The following NEBL variants were observed in gnomAD, a reference collection of about 807,000 sequenced individuals.
NEBL encodes the protein LIM and SH3 protein 2.
Under a neutral mutation model 140.2 loss-of-function variants are expected in NEBL, and 122 were observed. That is an observed-to-expected ratio of 0.87 (90% CI 0.75 to 1.01). The LOEUF (loss-of-function observed/expected upper bound fraction) is 1.01. NEBL is among the 50% of genes least tolerant of loss of function. The probability of loss-of-function intolerance (pLI) is 0.00; values close to 1 mark genes in which losing one functional copy is unlikely to be tolerated. For missense variants in NEBL, 1,365 were observed against 1,231.3 expected, an observed-to-expected ratio of 1.11 and a Z score of -1.62; for synonymous variants, 436 against 398.9, an observed-to-expected ratio of 1.09 and a Z score of -1.11.
intron 3 of NEBL, among the ~76,000 whole-genome samples, chr10:21,210,829 C>A (rs1016495002): frequency 1.3e-5 from 2 of 152,166 alleles, no homozygotes; most frequent in African/African-American, 4.8e-5. Flanking sequence ...TCTTCCAACT[C>A]AATAATGCTT....
chr10:20,801,884 T>C lies in NEBL; in HGVS notation c.2761+6626A>G, dbSNP rs192937215. The stretch of plus-strand genomic sequence containing the variant: ...TAGGGTGGGTTAAACTGCTACAAAA[T>C]TCAGAAACTTACTTTCAGTCAGTTA... On this transcript the variant is annotated intron_variant, in intron 26 of 27. Transcript: ENST00000377122. Among the ~76,000 whole-genome samples the C allele has an allele frequency of 5.9e-5, 9 of 152,230 alleles. No individual in the cohort carries two copies. The East Asian group carries it at 1.7e-3, about 29-fold the overall frequency.
intron 1 of NEBL, among the ~76,000 whole-genome samples, chr10:21,264,947 A>G (rs1376163136): frequency 6.6e-6 from 1 of 151,476 alleles, no homozygotes; most frequent in Non-Finnish European, 1.5e-5. Flanking sequence ...TTTTATTTTT[A>G]TTTTTATTTT....
At chr10:21,292,316 A>G (rs1843155491) in intron 1 of NEBL, among the ~76,000 whole-genome samples, 1 of 152,236 alleles carries the variant, frequency 6.6e-6, no homozygotes, top group Non-Finnish European at 1.5e-5. Context: ...CAAGTTGGCC[A>G]TTAAAGGGTA....
At chr10:21,132,925 G>A (rs1307939470) in intron 2 of NEBL, among the ~76,000 whole-genome samples, 2 of 152,082 alleles carry the variant, frequency 1.3e-5, no homozygotes, top group East Asian at 1.9e-4. Context: ...TACATTCTAC[G>A]GGTAGTCTTT....
At chr10:21,211,668 C>T (rs527647647) in intron 3 of NEBL, among the ~76,000 whole-genome samples, 15 of 152,116 alleles carry the variant, frequency 9.9e-5, no homozygotes, top group Non-Finnish European at 2.2e-4. Context: ...AACCCAGTTA[C>T]GTCAACTTCA....
At chr10:21,166,044 C>A (rs887803921) in intron 2 of NEBL, among the ~76,000 whole-genome samples, 1 of 148,556 alleles carries the variant, frequency 6.7e-6, no homozygotes, top group East Asian at 2.0e-4. Context: ...CATGGTGAAA[C>A]CCCGTCTCTA....
intron 2 of NEBL, among the ~76,000 whole-genome samples, chr10:21,073,585 C>G (rs961276639): frequency 6.9e-6 from 1 of 145,154 alleles, no homozygotes; most frequent in Non-Finnish European, 1.5e-5. Flanking sequence ...CCAGTACACT[C>G]TAGCCTGGGT....
In NEBL at chr10:20,812,075, A is replaced by T. The variant is rs572585801; in HGVS notation, c.2518+694T>A. On this transcript the variant is annotated intron_variant, in intron 24 of 27. Transcript: ENST00000377122. Reference sequence around the variant, plus strand: ...ATTCCAGTCCAGAAATAATATTTTTAAAATGAGCTATTACTATTATGGAGT... The same window carrying T: ...ATTCCAGTCCAGAAATAATATTTTTTAAATGAGCTATTACTATTATGGAGT... Among the ~76,000 whole-genome samples, 4 of 152,328 alleles carry T rather than the reference A, an allele frequency of 2.6e-5. No individual in the cohort carries two copies. In the East Asian group the frequency reaches 5.8e-4, roughly 22 times the overall value.
intron 2 of NEBL, among the ~76,000 whole-genome samples, chr10:21,155,381 C>G (rs1472321943): frequency 1.3e-5 from 2 of 152,170 alleles, no homozygotes; most frequent in East Asian, 3.9e-4. Flanking sequence ...CTTATTCATT[C>G]TAACTATTTT....
At chr10:20,833,726 A>T (rs1013174342) in intron 14 of NEBL, among the ~76,000 whole-genome samples, 1 of 151,712 alleles carries the variant, frequency 6.6e-6, no homozygotes, top group African/African-American at 2.4e-5. Flanking sequence ...ACTGCACTCC[A>T]GCCTGGGCGA....
intron 2 of NEBL, among the ~76,000 whole-genome samples, chr10:21,128,340 A>C (rs1838934888): frequency 6.6e-6 from 1 of 152,188 alleles, no homozygotes; most frequent in African/African-American, 2.4e-5. Flanking sequence ...GGTTTTCTGC[A>C]CTGGGTGAGT....
chr10:21,167,563 C>T (rs1840833572), intron 2 of NEBL, among the ~76,000 whole-genome samples: 2 of 152,178 alleles, frequency 1.3e-5, no homozygotes, highest in Non-Finnish European at 1.5e-5. Flanking sequence ...CTTGGCAATG[C>T]TACTTCTAAG....
At chr10:20,838,096 A>G (rs1841063200) in intron 13 of NEBL, among the ~76,000 whole-genome samples, 2 of 152,198 alleles carry the variant, frequency 1.3e-5, no homozygotes, top group African/African-American at 4.8e-5. Context: ...TTTACTTTCA[A>G]GGCTTATTAT....
chr10:20,988,821 G>A (rs1183195369), intron 3 of NEBL, among the ~76,000 whole-genome samples: 3 of 152,304 alleles, frequency 2.0e-5, no homozygotes, highest in Non-Finnish European at 4.4e-5. Context: ...ACTCCACATT[G>A]CTAAATCCAT....
At chr10:21,134,346 G>A (rs1262714691) in intron 2 of NEBL, among the ~76,000 whole-genome samples, 1 of 152,090 alleles carries the variant, frequency 6.6e-6, no homozygotes, top group Non-Finnish European at 1.5e-5. Context: ...TAAAGACAAT[G>A]TATTCTTATT....
At chr10:21,273,321 C>T (rs1261098301) in intron 1 of NEBL, among the ~76,000 whole-genome samples, 1 of 152,124 alleles carries the variant, frequency 6.6e-6, no homozygotes, top group Non-Finnish European at 1.5e-5. Context: ...GAGAGCTGGT[C>T]TCCAAGAGAA....
chr10:20,939,607 G>C (rs905541444), intron 4 of NEBL, among the ~76,000 whole-genome samples: 2 of 152,006 alleles, frequency 1.3e-5, no homozygotes, highest in African/African-American at 4.8e-5. Flanking sequence ...ACGTAAATGG[G>C]CTAAATGCTC....
intron 3 of NEBL, among the ~76,000 whole-genome samples, chr10:20,982,415 G>C (rs936441794): frequency 2.0e-4 from 31 of 152,078 alleles, no homozygotes; most frequent in Admixed American, 1.4e-3. Flanking sequence ...GAATTTGCTG[G>C]GGTGTTACTA....
chr10:21,176,446 T>C (rs915082270), upstream of NEBL, among the ~76,000 whole-genome samples: 2 of 152,222 alleles, frequency 1.3e-5, no homozygotes, highest in African/African-American at 4.8e-5. Context: ...TACATTTTTC[T>C]CTCATTTTTT....
Sources: allele counts gnomAD v4.1 joint callset (sites outside exome capture counted in the v4.1 genomes callset), GRCh38; gene constraint gnomAD v4.1.1; transcripts MANE v1.5; gene names NCBI Gene and HGNC (gene_info 2026-07-23, HGNC 2026-07-21).